The following SDCCAG8 variants were observed in gnomAD, a reference collection of about 807,000 sequenced individuals.
SDCCAG8 encodes the protein serologically defined colon cancer antigen 8.
A neutral mutation model predicts 101.8 loss-of-function variants in SDCCAG8; 74 were observed. That is an observed-to-expected ratio of 0.73 (90% CI 0.60 to 0.88). The LOEUF is 0.88. Among genes scored for constraint, SDCCAG8 ranks in the 40% least tolerant of loss-of-function variants. The pLI is 0.00. For synonymous variants in SDCCAG8, 281 were observed against 292.9 expected (o/e 0.96, Z 0.41); for missense variants, 787 against 822.6 (o/e 0.96, Z 0.53).
intron 6 of SDCCAG8, among the ~76,000 whole-genome samples, chr1:243,295,685 T>C (rs1446881113): frequency 1.3e-5 from 2 of 152,198 alleles, no homozygotes; most frequent in Non-Finnish European, 2.9e-5. Context: ...AATGTTCCCT[T>C]CTTACCCTCT....
chr1:243,365,222 T>C (rs1205403093), intron 12 of SDCCAG8, among the ~76,000 whole-genome samples: 1 of 152,174 alleles, frequency 6.6e-6, no homozygotes, highest in Admixed American at 6.6e-5. Flanking sequence ...ATTAAGATGA[T>C]GACTGAGGTG....
intron 6 of SDCCAG8, among the ~76,000 whole-genome samples, chr1:243,302,410 G>A (rs1024198222): frequency 3.9e-5 from 6 of 152,144 alleles, no homozygotes; most frequent in Non-Finnish European, 8.8e-5. Context: ...ATTTGATGCC[G>A]GAAGGGATAG....
At chr1:243,269,282 G>C (rs1402021971) in intron 1 of SDCCAG8, 1 of 151,766 alleles carries the variant, frequency 6.6e-6, no homozygotes, top group Admixed American at 6.6e-5. Context: ...AAGGGAATGA[G>C]GCTGGGTTCC....
chr1:243,455,966 C>G (rs920516676), intron 16 of SDCCAG8, among the ~76,000 whole-genome samples: 2 of 152,188 alleles, frequency 1.3e-5, no homozygotes, highest in Non-Finnish European at 1.5e-5. Flanking sequence ...ACAAGTGGGT[C>G]AGAATGGCCT....
At chr1:243,497,339 G>GGT (rs1553385245) in intron 17 of SDCCAG8, among the ~76,000 whole-genome samples, 1 of 143,530 alleles carries the variant, frequency 7.0e-6, no homozygotes. Flanking sequence ...GGCACGGGTG[G>GGT]GGGGGGGGGC....
chr1:243,486,957 C>T (rs974709610), intron 16 of SDCCAG8, among the ~76,000 whole-genome samples: 4 of 152,224 alleles, frequency 2.6e-5, no homozygotes, highest in Non-Finnish European at 4.4e-5. Context: ...TAGCCAGTAG[C>T]TCTCTCCACA....
Position 243,489,065 on chromosome 1 carries a change from GCTC to G in SDCCAG8, c.2041_2043del (p.Leu681del). On this transcript the variant is annotated inframe_deletion, in exon 17 of 18. Coordinates refer to ENST00000366541, the MANE Select transcript of SDCCAG8 (RefSeq NM_006642.5). ...AGGCCACAGCCCAGCAGCTGGTGCA[GCTC>G]CTCAGCAAGCAGAACCAGCTTCTCC... 1 of 1,613,442 alleles carries G rather than the reference GCTC, an allele frequency of 6.2e-7. No homozygotes were observed. Among genetic ancestry groups the G allele is most frequent in the Non-Finnish European group, 8.5e-7 (1 of 1,180,016 alleles).
chr1:243,313,354 C>T (rs1573205429), intron 8 of SDCCAG8, among the ~76,000 whole-genome samples: 1 of 152,196 alleles, frequency 6.6e-6, no homozygotes, highest in Non-Finnish European at 1.5e-5. Context: ...AGGTGGAGCT[C>T]ATGCATATAC....
chr1:243,292,370 G>A (rs143651823), intron 5 of SDCCAG8, among the ~76,000 whole-genome samples: 1 of 152,276 alleles, frequency 6.6e-6, no homozygotes, highest in East Asian at 1.9e-4. Context: ...AAGGGTCTTA[G>A]AAGCACTTGT....
chr1:243,277,406 A>T (rs2068667936), intron 4 of SDCCAG8, among the ~76,000 whole-genome samples: 1 of 152,240 alleles, frequency 6.6e-6, no homozygotes, highest in Non-Finnish European at 1.5e-5. Context: ...GATGCTGAGC[A>T]TCTTTTCCTA....
In SDCCAG8 at chr1:243,374,303, C is replaced by T. The variant is rs183007784; in HGVS notation, c.1474-4418C>T. On this transcript the variant is annotated intron_variant, in intron 12 of 17. Coordinates refer to ENST00000366541, the MANE Select transcript of SDCCAG8 (RefSeq NM_006642.5). ...TTAAAATAGTAGAAGAAAACATCCT[C>T]AAACTGAAAAAAATAAGCCTTCAGA... 2.6e-5 allele frequency among the ~76,000 whole-genome samples: 4 copies of T among 152,014 alleles called. No homozygotes were observed. The East Asian group carries it at 7.7e-4, about 29-fold the overall frequency.
chr1:243,294,506 C>CGAGA (rs74162272), intron 6 of SDCCAG8, among the ~76,000 whole-genome samples: 11 of 105,932 alleles, frequency 1.0e-4, no homozygotes, highest in Admixed American at 5.9e-4. Flanking sequence ...AGAGAAAGAG[C>CGAGA]GAGAGAGAGA....
At chr1:243,305,906 T>G (rs1019944297) in intron 7 of SDCCAG8, 1 of 152,000 alleles carries the variant, frequency 6.6e-6, no homozygotes. Context: ...CTGGCCAATA[T>G]GGTAAAACCC....
chr1:243,390,115 G>A (rs1013958710), intron 13 of SDCCAG8, among the ~76,000 whole-genome samples: 1 of 152,174 alleles, frequency 6.6e-6, no homozygotes, highest in African/African-American at 2.4e-5. Context: ...TAACATTGAT[G>A]TATATTCTTG....
chr1:243,416,551 C>T lies in SDCCAG8; in HGVS notation c.1744+722C>T, dbSNP rs1468271324. 6.6e-6 allele frequency among the ~76,000 whole-genome samples: 1 copy of T among 152,230 alleles called. No individual in the cohort carries two copies. The highest frequency in any genetic ancestry group is 1.5e-5 in the Non-Finnish European group (1 of 68,038). On this transcript the variant is annotated intron_variant, in intron 14 of 17. Coordinates refer to ENST00000366541, the MANE Select transcript of SDCCAG8 (RefSeq NM_006642.5). This position sits in a 1 kb window ranked among gnomAD's most constrained non-coding sequence, Gnocchi z 4.3. Reference sequence around the variant, plus strand: ...CACTAATACAAGGCACTGACCACAGCTGGCAGCTTGGCTAAAAATTGCCAT... The same window carrying T: ...CACTAATACAAGGCACTGACCACAGTTGGCAGCTTGGCTAAAAATTGCCAT...
chr1:243,267,171 A>T, intron 1 of SDCCAG8: 1 of 157,094 alleles, frequency 6.4e-6, no homozygotes, highest in Non-Finnish European at 1.4e-5. Flanking sequence ...TGAACCTGAG[A>T]GGCGGAGGTT....
At chr1:243,388,318 T>C (rs933708639) in intron 13 of SDCCAG8, among the ~76,000 whole-genome samples, 4 of 152,208 alleles carry the variant, frequency 2.6e-5, no homozygotes, top group African/African-American at 9.7e-5. Flanking sequence ...TACCTTTGAT[T>C]TCAAACTGTA....
At chr1:243,368,560 C>G (rs1193818416) in intron 12 of SDCCAG8, among the ~76,000 whole-genome samples, 2 of 152,146 alleles carry the variant, frequency 1.3e-5, no homozygotes, top group Non-Finnish European at 2.9e-5. Flanking sequence ...TGTGATACAG[C>G]TCTGAACAAA....
rs571329218 is a variant in SDCCAG8, at chr1:243,288,413, C to T, written c.546+2016C>T. Among the ~76,000 whole-genome samples, 3 of 152,212 alleles carry T rather than the reference C, an allele frequency of 2.0e-5. No individual in the cohort carries two copies. The East Asian group carries it at 5.8e-4, about 29-fold the overall frequency. On this transcript the variant is annotated intron_variant, in intron 5 of 17. Transcript: ENST00000366541. ...CCCAGGAGGTCAAGGCTGCAGTAAGCCCTGATCACGCCACTGCACTCCAGC... is the reference window on the plus strand; with the variant it reads ...CCCAGGAGGTCAAGGCTGCAGTAAGTCCTGATCACGCCACTGCACTCCAGC...
Sources: gnomAD v4.1 joint callset for allele counts (sites outside exome capture counted in the v4.1 genomes callset) on GRCh38, gnomAD v4.1.1 for gene constraint, Gnocchi (gnomAD v3.1) non-coding constraint, MANE v1.5 for transcripts, NCBI Gene and HGNC (gene_info 2026-07-23, HGNC 2026-07-21) for gene names.